PCTP: variants seen among roughly 807,000 people sequenced by gnomAD.
The protein encoded by PCTP is START domain-containing protein 2.
PCTP carries 27 observed loss-of-function variants against 31.0 expected under a neutral mutation model. The ratio of observed to expected loss-of-function variants is 0.87; its 90% CI spans 0.64 to 1.20. The LOEUF (loss-of-function observed/expected upper bound fraction) is 1.20. Among genes scored for constraint, PCTP ranks in the 50% most tolerant of loss-of-function variants. The pLI is 0.00. For missense variants in PCTP, 287 were observed against 268.2 expected (o/e 1.07, Z -0.49); for synonymous variants, 108 against 101.2 (o/e 1.07, Z -0.40).
chr17:55,831,715 T>G (rs966821595), intron 5 of PCTP, among the ~76,000 whole-genome samples: 1 of 152,148 alleles, frequency 6.6e-6, no homozygotes, highest in African/African-American at 2.4e-5. Flanking sequence ...CCCAAATTCC[T>G]TTGCACTAGA....
exon 4 of PCTP, chr17:55,822,910 A>G: frequency 9.1e-6 from 8 of 876,266 alleles, no homozygotes; most frequent in Non-Finnish European, 1.2e-5. Flanking sequence ...CTTTGTTGAA[A>G]CACTGAAATG....
chr17:55,770,961 G>C, intron 2 of PCTP, 145 bp from the exon 3 acceptor site: 1 of 627,824 alleles, frequency 1.6e-6, no homozygotes. Flanking sequence ...TTGAACTCCT[G>C]GACTTGAGCA....
chr17:55,758,010 G>A (rs1910137617), intron 1 of PCTP, among the ~76,000 whole-genome samples: 1 of 152,152 alleles, frequency 6.6e-6, no homozygotes. Context: ...AGGGCCATGG[G>A]TCACTTAGAA....
At chr17:55,799,281 G>C (rs936013055) in intron 3 of PCTP, among the ~76,000 whole-genome samples, 1 of 151,898 alleles carries the variant, frequency 6.6e-6, no homozygotes, top group African/African-American at 2.4e-5. Flanking sequence ...AATGCAAAAA[G>C]GTTAAAAGTA....
chr17:55,762,788 G>A (rs11867309), intron 1 of PCTP, among the ~76,000 whole-genome samples: 4,811 of 152,204 alleles, frequency 0.032, 268 homozygotes, highest in African/African-American at 0.11. Flanking sequence ...TAAGTCACAC[G>A]GCTACCTCTC....
intron 1 of PCTP, among the ~76,000 whole-genome samples, chr17:55,763,019 A>G (rs1910423183): frequency 6.6e-6 from 1 of 152,228 alleles, no homozygotes; most frequent in Non-Finnish European, 1.5e-5. Context: ...AGTATCCATT[A>G]TATTTTAGTC....
chr17:55,824,897 C>A (rs553326130), downstream of PCTP, among the ~76,000 whole-genome samples: 1 of 152,138 alleles, frequency 6.6e-6, no homozygotes, highest in Non-Finnish European at 1.5e-5. Context: ...TTTCTTTCAT[C>A]TTTATTCTAA....
chr17:55,822,641 G>T, intron 3 of PCTP: 1 of 423,922 alleles, frequency 2.4e-6, no homozygotes, highest in Admixed American at 4.4e-5. Flanking sequence ...GAGGCTAGAA[G>T]TAGAATTGCA....
At chr17:55,835,455 T>G (rs1416103583) in intron 5 of PCTP, among the ~76,000 whole-genome samples, 1 of 152,236 alleles carries the variant, frequency 6.6e-6, no homozygotes, top group East Asian at 1.9e-4. Flanking sequence ...TCTACTTTGC[T>G]TCTGGCTTAT....
Position 55,773,837 on chromosome 17 carries a change from G to A in PCTP, c.453G>A (p.Arg151=), listed in dbSNP as rs1216984643. The A allele has an allele frequency of 1.2e-6, 2 of 1,613,060 alleles. No individual in the cohort carries two copies. The highest frequency in any genetic ancestry group is 1.7e-6 in the Non-Finnish European group (2 of 1,179,652). The change falls in exon 4 of 6, where the codon CGG becomes CGA. Residue 151 remains arginine, a synonymous_variant. Coordinates refer to ENST00000268896, the MANE Select transcript of PCTP (RefSeq NM_021213.4). ...TTGGCGAGAGGTCTGGGGTGATCCGGGTGAAGCAATACAAGCAGAGCCTGG... is the reference window on the plus strand; with the variant it reads ...TTGGCGAGAGGTCTGGGGTGATCCGAGTGAAGCAATACAAGCAGAGCCTGG... The part of the protein sequence containing the change: ...PQLGERSGVI[R]VKQYKQSLAI...
chr17:55,801,395 A>G (rs780516701), intron 3 of PCTP, among the ~76,000 whole-genome samples: 1 of 149,012 alleles, frequency 6.7e-6, no homozygotes, highest in Non-Finnish European at 1.5e-5. Flanking sequence ...CTCCACTCCA[A>G]ATCAACAGAA....
intron 3 of PCTP, among the ~76,000 whole-genome samples, chr17:55,814,722 C>T (rs536202304): frequency 1.3e-5 from 2 of 152,180 alleles, no homozygotes; most frequent in African/African-American, 4.8e-5. Context: ...GGAATGCTCT[C>T]TCTGCATGTC....
chr17:55,839,142 G>A (rs1489755647), intron 5 of PCTP, among the ~76,000 whole-genome samples: 1 of 152,180 alleles, frequency 6.6e-6, no homozygotes, highest in Non-Finnish European at 1.5e-5. Flanking sequence ...CTCTAGTAAA[G>A]AGTAGCAGCA....
intron 3 of PCTP, among the ~76,000 whole-genome samples, chr17:55,806,601 A>G (rs990145173): frequency 1.4e-4 from 22 of 152,132 alleles, no homozygotes; most frequent in African/African-American, 5.3e-4. Flanking sequence ...CTCCTTGATA[A>G]CTTGAGAATT....
At chr17:55,805,512 A>C (rs1366463000) in intron 3 of PCTP, among the ~76,000 whole-genome samples, 2 of 152,070 alleles carry the variant, frequency 1.3e-5, no homozygotes, top group Non-Finnish European at 2.9e-5. Flanking sequence ...AGCACCATCC[A>C]TGTTGCTGCA....
At chr17:55,784,043 G>A (rs1199226640) in intron 2 of PCTP, among the ~76,000 whole-genome samples, 1 of 152,164 alleles carries the variant, frequency 6.6e-6, no homozygotes, top group Non-Finnish European at 1.5e-5. Context: ...GATGTTTCCT[G>A]AGCAAAGACA....
At chr17:55,802,093 C>G (rs889878901) in intron 3 of PCTP, among the ~76,000 whole-genome samples, 1 of 152,100 alleles carries the variant, frequency 6.6e-6, no homozygotes. Context: ...AACACCTCTA[C>G]ACAAATAAAC....
chr17:55,815,983 G>A (rs1032794908), intron 3 of PCTP, among the ~76,000 whole-genome samples: 2 of 152,090 alleles, frequency 1.3e-5, no homozygotes, highest in African/African-American at 4.8e-5. Flanking sequence ...ATTTCCCTTG[G>A]CATTTCGTGG....
chr17:55,844,600 G>A (rs1363911162), downstream of PCTP, among the ~76,000 whole-genome samples: 2 of 151,932 alleles, frequency 1.3e-5, no homozygotes, highest in Non-Finnish European at 2.9e-5. Context: ...TTCATACCGC[G>A]GACAGGCAGA....
Sources: allele counts gnomAD v4.1 joint callset (sites outside exome capture counted in the v4.1 genomes callset), GRCh38; gene constraint gnomAD v4.1.1; transcripts MANE v1.5; gene names NCBI Gene and HGNC (gene_info 2026-07-23, HGNC 2026-07-21).